Variants in DOCK9 observed in about 807,000 individuals in gnomAD.
DOCK9 encodes dedicator of cytokinesis protein 9.
DOCK9 carries 89 observed loss-of-function variants against 263.3 expected under a neutral mutation model. The observed-to-expected ratio is 0.34, with a 90% CI of 0.28 to 0.40. The LOEUF is 0.40. DOCK9 is among the 10% of genes least tolerant of loss of function. The probability of loss-of-function intolerance (pLI) is 1.00; values close to 1 mark genes in which losing one functional copy is unlikely to be tolerated. For synonymous variants in DOCK9, 976 were observed against 973.1 expected, an observed-to-expected ratio of 1.00 and a Z score of -0.06; for missense variants, 2,140 against 2,603.4, an observed-to-expected ratio of 0.82 and a Z score of 3.87.
intron 24 of DOCK9, 115 bp downstream of exon 24, chr13:98,881,777 A>G: frequency 5.5e-6 from 7 of 1,268,576 alleles, no homozygotes; most frequent in Non-Finnish European, 7.8e-6. Context: ...ACATGGGATC[A>G]AAGACATTTC....
At chr13:99,056,638 C>T (rs776989574) in intron 1 of DOCK9, among the ~76,000 whole-genome samples, 2 of 152,200 alleles carry the variant, frequency 1.3e-5, no homozygotes, top group Admixed American at 6.5e-5. Context: ...CCCACCAATT[C>T]TATTTTCTCA....
intron 15 of DOCK9, among the ~76,000 whole-genome samples, chr13:98,893,030 A>C (rs996442401): frequency 8.5e-5 from 13 of 152,200 alleles, no homozygotes; most frequent in African/African-American, 3.1e-4. Flanking sequence ...GAAAAGGGGA[A>C]GTGTGTATGC....
intron 52 of DOCK9, chr13:98,796,307 T>C (rs1372650074): frequency 6.8e-6 from 7 of 1,025,672 alleles, no homozygotes; most frequent in Middle Eastern, 2.0e-4. Context: ...CTAACTAAAC[T>C]GTCAGGGGAT....
At chr13:98,798,586 T>C (rs1299820909) in intron 50 of DOCK9, among the ~76,000 whole-genome samples, 4 of 152,180 alleles carry the variant, frequency 2.6e-5, no homozygotes, top group Non-Finnish European at 4.4e-5. Context: ...TTGAAGAAGA[T>C]AGAAAGAGGA....
intron 49 of DOCK9, among the ~76,000 whole-genome samples, chr13:98,802,452 G>A (rs1448867390): frequency 6.6e-6 from 1 of 152,238 alleles, no homozygotes; most frequent in Non-Finnish European, 1.5e-5. Context: ...GACGGGGAAG[G>A]CCCAGTGATA....
chr13:98,991,974 C>T (rs931940238), intron 1 of DOCK9, among the ~76,000 whole-genome samples: 7 of 152,190 alleles, frequency 4.6e-5, no homozygotes, highest in Non-Finnish European at 7.3e-5. Context: ...CCTGGCTACA[C>T]AGGAGCCACA....
intron 1 of DOCK9, among the ~76,000 whole-genome samples, chr13:99,009,663 C>T (rs1884118479): frequency 6.6e-6 from 1 of 151,970 alleles, no homozygotes; most frequent in South Asian, 2.1e-4. Context: ...CCCCGAGATC[C>T]CACCTGTCCC....
At chr13:98,932,353 C>T (rs1450150893) in intron 2 of DOCK9, among the ~76,000 whole-genome samples, 1 of 152,144 alleles carries the variant, frequency 6.6e-6, no homozygotes, top group Non-Finnish European at 1.5e-5. Context: ...CAAGATGGTG[C>T]CACTGCATTC....
At chr13:98,926,037 A>G (rs2052902314) in intron 3 of DOCK9, 118 bp from the exon 4 acceptor site, 1 of 669,658 alleles carries the variant, frequency 1.5e-6, no homozygotes, top group Non-Finnish European at 2.4e-6. Context: ...ATTTTTTCCC[A>G]TCAACGAGCT....
intron 27 of DOCK9, among the ~76,000 whole-genome samples, chr13:98,876,960 A>T (rs2043954140): frequency 6.6e-6 from 1 of 152,260 alleles, no homozygotes; most frequent in Non-Finnish European, 1.5e-5. Context: ...CTTAAAAAAC[A>T]AAAAACTACT....
At position 98,915,521 on chromosome 13, in the gene DOCK9, T is replaced by C; in HGVS notation, c.718-18A>G. 6.2e-7 allele frequency: 1 copy of C among 1,600,696 alleles called. No homozygotes were observed. The highest frequency in any genetic ancestry group is 8.5e-7 in the Non-Finnish European group (1 of 1,174,560). On this transcript the variant is annotated intron_variant, in intron 7 of 52. Transcript: ENST00000682017. ...TTGTTGTTCTGAAATGAAAAAAGGA[T>C]AAACAGACATACTTTAAAAGAATTA...
intron 1 of DOCK9, among the ~76,000 whole-genome samples, chr13:99,058,536 C>T (rs975445767): frequency 2.0e-5 from 3 of 152,144 alleles, no homozygotes; most frequent in African/African-American, 4.8e-5. Context: ...GAGACATCTG[C>T]TTGTGTCAGC....
intron 2 of DOCK9, among the ~76,000 whole-genome samples, chr13:98,953,320 C>A (rs535001905): frequency 2.6e-5 from 4 of 152,312 alleles, no homozygotes; most frequent in South Asian, 2.1e-4. Flanking sequence ...CTAGTGAGTT[C>A]TTTGCCTTTC....
chr13:98,979,452 C>G (rs978135800), upstream of DOCK9, among the ~76,000 whole-genome samples: 2 of 152,074 alleles, frequency 1.3e-5, no homozygotes, highest in African/African-American at 2.4e-5. Flanking sequence ...AGTCCTCGCA[C>G]AGCCGCCTCC....
intron 32 of DOCK9, among the ~76,000 whole-genome samples, chr13:98,861,993 C>G (rs1183192973): frequency 6.6e-6 from 1 of 152,168 alleles, no homozygotes; most frequent in African/African-American, 2.4e-5. Context: ...CTGGGGCTAC[C>G]ATGACCTCTT....
At chr13:98,842,311 A>G (rs1429160347) in intron 38 of DOCK9, among the ~76,000 whole-genome samples, 5 of 152,232 alleles carry the variant, frequency 3.3e-5, no homozygotes, top group Non-Finnish European at 7.3e-5. Context: ...CTTCACAGGC[A>G]GCTCAGCACA....
At chr13:98,827,731 G>T (rs554688686) in intron 43 of DOCK9, among the ~76,000 whole-genome samples, 1 of 152,216 alleles carries the variant, frequency 6.6e-6, no homozygotes, top group Non-Finnish European at 1.5e-5. Flanking sequence ...TGCCTCCCAC[G>T]TGTGTCCCTC....
intron 3 of DOCK9, among the ~76,000 whole-genome samples, chr13:98,926,805 A>G (rs919559731): frequency 1.3e-5 from 2 of 152,254 alleles, no homozygotes; most frequent in Non-Finnish European, 2.9e-5. Context: ...GCATGAGTGA[A>G]TCAATGAAAA....
intron 2 of DOCK9, among the ~76,000 whole-genome samples, chr13:98,943,884 C>A (rs2056329281): frequency 1.3e-5 from 2 of 152,280 alleles, no homozygotes; most frequent in Admixed American, 6.5e-5. Flanking sequence ...GTATATACTT[C>A]ATAAATTTCC....
Sources: allele counts gnomAD v4.1 joint callset (sites outside exome capture counted in the v4.1 genomes callset), GRCh38; gene constraint gnomAD v4.1.1; transcripts MANE v1.5; gene names NCBI Gene and HGNC (gene_info 2026-07-23, HGNC 2026-07-21).